ARHGAP15: variants seen among roughly 807,000 people sequenced by gnomAD.
The protein encoded by ARHGAP15 is rho GTPase-activating protein 15.
Under a neutral mutation model 63.7 loss-of-function variants are expected in ARHGAP15, and 51 were observed. The observed-to-expected ratio is 0.80, with a 90% confidence interval of 0.64 to 1.01. The LOEUF (loss-of-function observed/expected upper bound fraction) is 1.01. Ranked by LOEUF, ARHGAP15 falls within the 50% of genes least tolerant of loss-of-function variation. The probability of loss-of-function intolerance (pLI) is 0.00; values close to 1 mark genes in which losing one functional copy is unlikely to be tolerated. For missense variants in ARHGAP15, 560 were observed against 564.6 expected (o/e 0.99, Z 0.08); for synonymous variants, 191 against 193.8 (o/e 0.99, Z 0.12).
rs563551666 is a variant in ARHGAP15, at chr2:143,561,390, A to G, written c.1003+4905A>G. Among the ~76,000 whole-genome samples the G allele has an allele frequency of 5.9e-5, 9 of 152,356 alleles. No homozygotes were observed. The South Asian group carries it at 1.9e-3, about 32-fold the overall frequency. ...AGAGCTATGAAGCATTGCCGGAAGA[A>G]CTGACTGGGAATTTTCCAGATGGGT... On this transcript the variant is annotated intron_variant, in intron 11 of 13. Coordinates refer to ENST00000295095, the MANE Select transcript of ARHGAP15 (RefSeq NM_018460.4).
chr2:143,359,369 G>A (rs558305826), intron 6 of ARHGAP15, among the ~76,000 whole-genome samples: 1 of 152,200 alleles, frequency 6.6e-6, no homozygotes, highest in South Asian at 2.1e-4. Flanking sequence ...AATAACTTGA[G>A]CTCTCCAGTC....
chr2:143,353,887 T>C (rs563886727), intron 6 of ARHGAP15, among the ~76,000 whole-genome samples: 72 of 152,276 alleles, frequency 4.7e-4, no homozygotes, highest in African/African-American at 1.6e-3. Flanking sequence ...AATGCTACGG[T>C]AACAAATTAT....
chr2:143,510,018 T>TTA (rs1693508478), intron 9 of ARHGAP15, among the ~76,000 whole-genome samples: 1 of 48,808 alleles, frequency 2.0e-5, no homozygotes, highest in African/African-American at 7.8e-5. Context: ...GACTCCCTCT[T>TTA]AAAAAAAAAA....
intron 6 of ARHGAP15, among the ~76,000 whole-genome samples, chr2:143,348,900 T>C (rs145873714): frequency 2.6e-5 from 4 of 152,266 alleles, no homozygotes; most frequent in African/African-American, 9.6e-5. Context: ...GAAAAGTAAA[T>C]TAAGTCAGAA....
intron 6 of ARHGAP15, among the ~76,000 whole-genome samples, chr2:143,433,016 T>C (rs974102177): frequency 6.6e-6 from 1 of 152,060 alleles, no homozygotes; most frequent in African/African-American, 2.4e-5. Context: ...TTTATGTCTG[T>C]TATACATCAT....
intron 5 of ARHGAP15, chr2:143,237,657 G>C (rs1005336780): frequency 2.0e-5 from 3 of 152,172 alleles, no homozygotes; most frequent in East Asian, 3.9e-4. Flanking sequence ...ATCAGACGCT[G>C]TGGAACTCAT....
intron 13 of ARHGAP15, among the ~76,000 whole-genome samples, chr2:143,747,311 C>G (rs769105848): frequency 1.3e-5 from 2 of 152,072 alleles, no homozygotes; most frequent in Non-Finnish European, 2.9e-5. Flanking sequence ...CACATACACA[C>G]AATTTCTCCT....
At chr2:143,415,580 T>G (rs1453726750) in intron 6 of ARHGAP15, among the ~76,000 whole-genome samples, 1 of 152,198 alleles carries the variant, frequency 6.6e-6, no homozygotes, top group African/African-American at 2.4e-5. Flanking sequence ...CCTATCATGT[T>G]GATAAATATT....
intron 10 of ARHGAP15, among the ~76,000 whole-genome samples, chr2:143,542,856 A>ATG (rs1695162682): frequency 7.0e-6 from 1 of 141,906 alleles, no homozygotes; most frequent in Non-Finnish European, 1.5e-5. Flanking sequence ...GATATATATA[A>ATG]TATCACATAT....
At chr2:143,585,066 A>C (rs1297683562) in intron 11 of ARHGAP15, among the ~76,000 whole-genome samples, 1 of 152,202 alleles carries the variant, frequency 6.6e-6, no homozygotes, top group East Asian at 1.9e-4. Flanking sequence ...CCGAGGTTTA[A>C]AATGTTCTTT....
intron 8 of ARHGAP15, among the ~76,000 whole-genome samples, chr2:143,441,240 A>G (rs10803492): frequency 0.89 from 135,597 of 152,090 alleles, 60,781 homozygotes; most frequent in Middle Eastern, 0.97. Context: ...GAAAAAGGGT[A>G]CCAGAATTGG....
At chr2:143,495,071 A>T (rs1411697528) in intron 9 of ARHGAP15, among the ~76,000 whole-genome samples, 1 of 152,178 alleles carries the variant, frequency 6.6e-6, no homozygotes, top group African/African-American at 2.4e-5. Context: ...ATTTACATTG[A>T]AAGTTTAAAT....
chr2:143,489,543 G>GT (rs370947441), intron 9 of ARHGAP15, among the ~76,000 whole-genome samples: 69 of 150,970 alleles, frequency 4.6e-4, no homozygotes, highest in African/African-American at 1.4e-3. Flanking sequence ...AAGTTTTTGG[G>GT]TTTTTTTTTC....
chr2:143,455,326 G>A (rs889292596), intron 8 of ARHGAP15, among the ~76,000 whole-genome samples: 2 of 152,074 alleles, frequency 1.3e-5, no homozygotes, highest in African/African-American at 4.8e-5. Context: ...GAGCAGTAAG[G>A]ACGACCAAAG....
At chr2:143,543,919 G>A (rs34406675) in intron 10 of ARHGAP15, among the ~76,000 whole-genome samples, 7,205 of 152,170 alleles carry the variant, frequency 0.047, 298 homozygotes, top group Non-Finnish European at 0.069. Context: ...GAGAAGTTAG[G>A]TCTCTCCTAG....
At chr2:143,564,775 G>T (rs568506186) in intron 11 of ARHGAP15, among the ~76,000 whole-genome samples, 8 of 152,064 alleles carry the variant, frequency 5.3e-5, no homozygotes, top group Non-Finnish European at 1.0e-4. Context: ...AACTACCATG[G>T]ATATATTATG....
chr2:143,317,701 G>A (rs116059872), intron 6 of ARHGAP15, among the ~76,000 whole-genome samples: 407 of 152,190 alleles, frequency 2.7e-3, no homozygotes, highest in African/African-American at 9.2e-3. Context: ...TAATATTTTC[G>A]AGAAGATAGT....
intron 12 of ARHGAP15, among the ~76,000 whole-genome samples, chr2:143,653,827 A>C (rs1394482129): frequency 1.3e-5 from 2 of 152,190 alleles, no homozygotes; most frequent in East Asian, 3.8e-4. Context: ...AGTACCTGGC[A>C]TATAATAGGT....
chr2:143,707,730 G>A (rs1574868088), intron 13 of ARHGAP15, among the ~76,000 whole-genome samples: 1 of 152,190 alleles, frequency 6.6e-6, no homozygotes, highest in East Asian at 1.9e-4. Context: ...CAGTGATAGG[G>A]GAGGGTTATG....
Sources: gnomAD v4.1 joint callset for allele counts (sites outside exome capture counted in the v4.1 genomes callset) on GRCh38, gnomAD v4.1.1 for gene constraint, MANE v1.5 for transcripts, NCBI Gene and HGNC (gene_info 2026-07-23, HGNC 2026-07-21) for gene names.